DST: variants seen among roughly 807,000 people sequenced by gnomAD.
The protein encoded by DST is bullous pemphigoid antigen.
In DST, 253 loss-of-function variants were observed where a neutral mutation model predicts 875.2. That is an observed-to-expected ratio of 0.29 (90% CI 0.26 to 0.32). The LOEUF (loss-of-function observed/expected upper bound fraction) is 0.32, where lower values mean the gene tolerates loss of function less well. Ranked by LOEUF, DST falls within the 10% of genes least tolerant of loss-of-function variation. DST has a pLI of 1.00. For synonymous variants in DST, 3,124 were observed against 3,197.1 expected, an observed-to-expected ratio of 0.98 and a Z score of 0.77; for missense variants, 8,287 against 9,111.6, an observed-to-expected ratio of 0.91 and a Z score of 3.68.
intron 99 of DST, among the ~76,000 whole-genome samples, 192 bp downstream of exon 99, chr6:56,465,882 AAAAG>A (rs1216613819): frequency 2.0e-5 from 3 of 151,582 alleles, no homozygotes; most frequent in African/African-American, 7.3e-5. Flanking sequence ...AAAAAAAAAA[AAAAG>A]AAAGAAAAAA....
chr6:56,476,094 G>T (rs989665988), intron 92 of DST, 55 bp downstream of exon 92: 1 of 1,440,708 alleles, frequency 6.9e-7, no homozygotes, highest in Non-Finnish European at 9.4e-7. Context: ...AGCAGTGAAA[G>T]AAAGAAAATA....
chr6:56,871,102 G>A (rs948682682), intron 3 of DST: 2 of 559,670 alleles, frequency 3.6e-6, no homozygotes, highest in Non-Finnish European at 6.4e-6. Flanking sequence ...AACATATATG[G>A]CTAATAAACA....
In DST at chr6:56,501,586, A is replaced by C. The variant is rs1403989610; in HGVS notation, c.19674T>G (p.Val6558=). The change falls in exon 79 of 104, where the codon GTT becomes GTG. Residue 6558 remains valine, a synonymous_variant. Transcript: ENST00000680361. ...KVTEESDKHT[V]QDPLMELKLI... is the part of the protein sequence containing the mutation. The stretch of plus-strand genomic sequence containing the variant: ...ATTTCAGTTCCATTAATGGGTCTTG[A>C]ACAGTGTGTTTGTCACTCTCTTCTG... The C allele has an allele frequency of 6.2e-7, 1 of 1,609,750 alleles. No homozygotes were observed.
At chr6:56,610,601 GTCC>G in intron 38 of DST, 39 bp from the exon 39 acceptor site, 1 of 1,520,170 alleles carries the variant, frequency 6.6e-7, no homozygotes. Context: ...AATGCAAGTC[GTCC>G]TCAAGAGATA....
chr6:56,816,542 T>C (rs1478823883), intron 4 of DST, among the ~76,000 whole-genome samples: 1 of 152,162 alleles, frequency 6.6e-6, no homozygotes, highest in Admixed American at 6.5e-5. Context: ...TATAGGCCTA[T>C]GGTTCAACTG....
chr6:56,555,866 C>T, intron 59 of DST, 26 bp from the exon 60 acceptor site: 2 of 1,450,698 alleles, frequency 1.4e-6, no homozygotes, highest in Non-Finnish European at 1.8e-6. Flanking sequence ...TAAACAAACG[C>T]AAATTATTAT....
In DST at chr6:56,487,216, C is replaced by G; in HGVS notation, c.20935G>C (p.Gly6979Arg). Residue 6979 changes from glycine (G) to arginine (R), a missense_variant, in exon 87 of 104, where the codon GGA (glycine) becomes CGA (arginine). Around this residue, in one of 10 missense-constraint regions of DST, gnomAD observed 1,292 missense variants for 1,552.7 expected, o/e 0.83. Transcript: ENST00000680361. ...HSVYDTTNRT[G>R]RSLKEKTSLA... is the part of the protein sequence containing the mutation. ...GAGGTTTTCTCCTTCAGAGAACGTC[C>G]AGTCCTGTTGGTGGTGTCGTAGACA... 1 of 1,613,506 alleles carries G rather than the reference C, an allele frequency of 6.2e-7. No individual in the cohort carries two copies. Among genetic ancestry groups the G allele is most frequent in the Non-Finnish European group, 8.5e-7 (1 of 1,179,646 alleles).
At chr6:56,497,357 C>CTGTA (rs2095953365) in intron 82 of DST, 22 bp downstream of exon 82, 1 of 1,608,264 alleles carries the variant, frequency 6.2e-7, no homozygotes, top group African/African-American at 1.3e-5. Flanking sequence ...GAGGCTAAAG[C>CTGTA]TGTAGGAAAT....
chr6:56,618,847 C>T, intron 36 of DST: 1 of 1,614,122 alleles, frequency 6.2e-7, no homozygotes, highest in Non-Finnish European at 8.5e-7. Context: ...TCATCTGCTC[C>T]TCTATGGTCT....
At chr6:56,648,985 G>A (rs1032885058) in intron 12 of DST, among the ~76,000 whole-genome samples, 1 of 152,126 alleles carries the variant, frequency 6.6e-6, no homozygotes, top group African/African-American at 2.4e-5. Flanking sequence ...TCTAAGCACA[G>A]CAGAAAAAAA....
chr6:56,553,579 A>G lies in DST; in HGVS notation c.15213T>C (p.Ala5071=). The G allele has an allele frequency of 6.2e-7, 1 of 1,613,944 alleles. No homozygotes were observed. The highest frequency in any genetic ancestry group is 8.5e-7 in the Non-Finnish European group (1 of 1,179,878). ...QFQQMSRDFQ[A]WLDTKKEEQN... ...GCTCTTCTTTCTTTGTATCCAGCCA[A>G]GCCTGAAAATCTCTAGACATTTGCT... Residue 5071 remains alanine, a synonymous_variant, in exon 61 of 104, where the codon GCT becomes GCC. Coordinates refer to ENST00000680361, the MANE Select transcript of DST (RefSeq NM_001374736.1).
At position 56,610,445 on chromosome 6, in the gene DST, A is replaced by G. The variant is rs2152718007; in HGVS notation, c.5265T>C (p.Asp1755=). ...KQLQESQTSG[D]VKVEEKLDKV... The stretch of plus-strand genomic sequence containing the variant: ...ATATTACCTTCTCCTCTACCTTTAC[A>G]TCTCCTGAGGTTTGTGATTCTTGTA... Residue 1755 remains aspartate, a synonymous_variant, in exon 39 of 104, where the codon GAT becomes GAC. Transcript: ENST00000680361. 2.6e-6 allele frequency: 4 copies of G among 1,561,884 alleles called. No individual in the cohort carries two copies. The highest frequency in any genetic ancestry group is 3.5e-6 in the Non-Finnish European group (4 of 1,151,932).
intron 92 of DST, chr6:56,474,230 TC>T: frequency 2.8e-6 from 1 of 357,034 alleles, no homozygotes; most frequent in South Asian, 2.9e-5. Context: ...ATGCCTGTAA[TC>T]CCAGCACTTT....
intron 2 of DST, among the ~76,000 whole-genome samples, chr6:56,944,408 T>C (rs747534300): frequency 5.3e-5 from 8 of 151,698 alleles, no homozygotes; most frequent in South Asian, 2.1e-4. Context: ...AAAGTTTCCC[T>C]AAGGAGATAA....
intron 61 of DST, among the ~76,000 whole-genome samples, chr6:56,545,928 A>G (rs1171725938): frequency 6.6e-6 from 1 of 152,222 alleles, no homozygotes; most frequent in Non-Finnish European, 1.5e-5. Context: ...ATAAGCCATT[A>G]GCTAATGAAA....
chr6:56,582,371 T>C (rs574406179), intron 49 of DST, among the ~76,000 whole-genome samples: 1 of 152,108 alleles, frequency 6.6e-6, no homozygotes. Context: ...TTTAAAAGTA[T>C]GTAGCACTTC....
intron 72 of DST, 107 bp downstream of exon 72, chr6:56,515,343 C>A: frequency 7.9e-7 from 1 of 1,272,444 alleles, no homozygotes; most frequent in Non-Finnish European, 1.1e-6. Flanking sequence ...ACACGGTATT[C>A]TAAAATGCCT....
rs76960094 is a variant in DST, at chr6:56,774,341, C to T, written c.626-39052G>A. ...CACTCTCTAAAAAAGTCATTTCCCA[C>T]CCACAATATTCCAGCCAACTTGCCC... On this transcript the variant is annotated intron_variant, in intron 4 of 103. Transcript: ENST00000680361. Among the ~76,000 whole-genome samples the T allele has an allele frequency of 3.8e-3, 571 of 152,156 alleles. 1 individual carries two copies. The highest frequency in any genetic ancestry group is 5.9e-3 in the Non-Finnish European group (401 of 67,996).
intron 5 of DST, among the ~76,000 whole-genome samples, chr6:56,726,415 T>G (rs891129944): frequency 2.0e-5 from 3 of 152,240 alleles, no homozygotes; most frequent in African/African-American, 7.2e-5. Flanking sequence ...CAAAGAAACC[T>G]GGCTACATCT....
Sources: allele counts gnomAD v4.1 joint callset (sites outside exome capture counted in the v4.1 genomes callset), GRCh38; gene constraint gnomAD v4.1.1; regional missense constraint gnomAD v4.1.1; transcripts MANE v1.5; gene names NCBI Gene and HGNC (gene_info 2026-07-23, HGNC 2026-07-21).